The following TNKS variants were observed in gnomAD, a reference collection of about 807,000 sequenced individuals.
The protein encoded by TNKS is poly [ADP-ribose] polymerase tankyrase-1.
TNKS carries 72 observed loss-of-function variants against 135.8 expected under a neutral mutation model. The observed-to-expected ratio is 0.53, with a 90% CI of 0.44 to 0.64. TNKS has a LOEUF of 0.64. TNKS is among the 30% of genes least tolerant of loss of function. The pLI is 0.00. For missense variants in TNKS, 1,769 were observed against 1,674.0 expected, an observed-to-expected ratio of 1.06 and a Z score of -0.99; for synonymous variants, 849 against 649.3, an observed-to-expected ratio of 1.31 and a Z score of -4.68.
intron 17 of TNKS, among the ~76,000 whole-genome samples, chr8:9,746,342 A>G (rs533337323): frequency 6.6e-6 from 1 of 152,260 alleles, no homozygotes; most frequent in African/African-American, 2.4e-5. Context: ...TGTGTGATCG[A>G]TTGTCTTAGC....
chr8:9,629,978 G>A (rs533475504), intron 3 of TNKS, among the ~76,000 whole-genome samples: 3 of 152,220 alleles, frequency 2.0e-5, no homozygotes, highest in Middle Eastern at 3.4e-3. Flanking sequence ...CACCGTGTCC[G>A]GCCAACTACT....
intron 18 of TNKS, among the ~76,000 whole-genome samples, chr8:9,750,497 C>T (rs928589390): frequency 6.6e-5 from 10 of 152,136 alleles, no homozygotes; most frequent in African/African-American, 1.4e-4. Context: ...TTCTACCTTC[C>T]GTAAGACCTC....
intron 1 of TNKS, among the ~76,000 whole-genome samples, chr8:9,562,695 C>T (rs551213384): frequency 2.0e-4 from 31 of 152,246 alleles, no homozygotes; most frequent in Non-Finnish European, 3.2e-4. Flanking sequence ...TTTTTACTTA[C>T]CTCTTCTATG....
intron 5 of TNKS, among the ~76,000 whole-genome samples, chr8:9,691,585 C>T (rs927828399): frequency 6.6e-6 from 1 of 152,182 alleles, no homozygotes; most frequent in African/African-American, 2.4e-5. Context: ...ACTCCTGACT[C>T]TGCTTTTAAC....
At chr8:9,761,836 C>T (rs906212127) in intron 21 of TNKS, among the ~76,000 whole-genome samples, 200 bp downstream of exon 21, 10 of 152,200 alleles carry the variant, frequency 6.6e-5, no homozygotes, top group South Asian at 2.1e-4. Flanking sequence ...TGTCTCCCAA[C>T]ACTTTGTATC....
chr8:9,771,510 C>T lies in TNKS; in HGVS notation c.3897+1248C>T, dbSNP rs143804281. Among the ~76,000 whole-genome samples, 162 of 91,776 alleles carry T rather than the reference C, an allele frequency of 1.8e-3. 1 individual carries two copies. The highest frequency in any genetic ancestry group is 6.6e-3 in the African/African-American group (149 of 22,538). The allele number at this position is 91,776 out of a possible 152,430, so 60.2% of individuals were successfully genotyped here. A position where few individuals can be genotyped will look rare whatever the true frequency, so the allele number is the denominator to read the frequency against. On this transcript the variant is annotated intron_variant, in intron 26 of 26. Coordinates refer to ENST00000310430, the MANE Select transcript of TNKS (RefSeq NM_003747.3). ...GAAAGAGATAAAGGGAAGGAAAGAA[C>T]GGGAGAGAGAGGAAGGGAGGGAGAA...
rs940113251 is a variant in TNKS, at chr8:9,704,850, G to C, written c.1202+93G>C. On this transcript the variant is annotated intron_variant, in intron 6 of 26. Transcript: ENST00000310430. Reference sequence around the variant, plus strand: ...CTAGACAAAGTCATATGTCCCATTTGTTACGGCTTACATAACGTTTTAAGA... The same window carrying C: ...CTAGACAAAGTCATATGTCCCATTTCTTACGGCTTACATAACGTTTTAAGA... 1.2e-5 allele frequency: 11 copies of C among 912,668 alleles called. No homozygotes were observed. In the African/African-American group the frequency reaches 1.8e-4, roughly 15 times the overall value. The allele number at this position is 912,668 out of a possible 1,614,324, so 56.5% of individuals were successfully genotyped here.
chr8:9,762,199 A>C lies in TNKS; in HGVS notation c.3274+563A>C, dbSNP rs1184609396. Among the ~76,000 whole-genome samples, 3 of 150,212 alleles carry C rather than the reference A, an allele frequency of 2.0e-5. No individual in the cohort carries two copies. The East Asian group carries it at 5.9e-4, about 29-fold the overall frequency. On this transcript the variant is annotated intron_variant, in intron 21 of 26. Transcript: ENST00000310430. ...TTTTTCCATTGTACTTTGCCGTTAC[A>C]AGCCTCTTTCCCCTCTGTTTTTACC...
In TNKS at chr8:9,751,703, T is replaced by G. The variant is rs1040318137; in HGVS notation, c.2927T>G (p.Leu976Arg). ...KPQATVVSAS[L>R]ISPASTPSCL... ...CAGGCTACTGTAGTGAGTGCCTCTC[T>G]GATCTCACCAGCATCCACCCCCTCC... Residue 976 changes from leucine (L) to arginine (R), a missense_variant, in exon 19 of 27, where the codon CTG becomes CGG. By Grantham distance (102) the Leu-to-Arg change is moderately radical. Coordinates refer to ENST00000310430, the MANE Select transcript of TNKS (RefSeq NM_003747.3). The G allele has an allele frequency of 6.2e-7, 1 of 1,614,244 alleles. No individual in the cohort carries two copies. The highest frequency in any genetic ancestry group is 8.5e-7 in the Non-Finnish European group (1 of 1,180,034).
At chr8:9,563,064 C>T (rs566829391) in intron 1 of TNKS, among the ~76,000 whole-genome samples, 1 of 151,884 alleles carries the variant, frequency 6.6e-6, no homozygotes, top group Non-Finnish European at 1.5e-5. Flanking sequence ...GTTACTTGCT[C>T]CATTTCTTTA....
At chr8:9,740,142 G>T (rs2128821424) in intron 17 of TNKS, among the ~76,000 whole-genome samples, 1 of 151,100 alleles carries the variant, frequency 6.6e-6, no homozygotes, top group East Asian at 2.0e-4. Context: ...GAGATGGATT[G>T]CAGTGCCTTG....
chr8:9,557,928 C>G (rs1815399443), intron 1 of TNKS: 2 of 152,140 alleles, frequency 1.3e-5, no homozygotes, highest in South Asian at 4.1e-4. Context: ...CTTGTGAAAT[C>G]AAACTTAAAC....
At chr8:9,689,618 G>T (rs1025150873) in intron 5 of TNKS, among the ~76,000 whole-genome samples, 1 of 152,182 alleles carries the variant, frequency 6.6e-6, no homozygotes, top group Non-Finnish European at 1.5e-5. Flanking sequence ...GGGAGAGAAG[G>T]CTGTGGGCAG....
intron 1 of TNKS, chr8:9,556,936 TTAGAG>T: frequency 2.0e-6 from 1 of 495,884 alleles, no homozygotes. Flanking sequence ...TTGGACAGCT[TTAGAG>T]TAGTTTTGTC....
intron 25 of TNKS, among the ~76,000 whole-genome samples, chr8:9,768,360 C>T (rs985357547): frequency 1.3e-5 from 2 of 152,172 alleles, no homozygotes; most frequent in Admixed American, 6.5e-5. Context: ...GAGGCATCTC[C>T]GGAGAGGCTG....
chr8:9,707,991 T>C (rs560477199), intron 8 of TNKS, among the ~76,000 whole-genome samples: 126 of 152,326 alleles, frequency 8.3e-4, no homozygotes, highest in African/African-American at 2.9e-3. Context: ...CACTGTATAC[T>C]TTCATGTCAG....
chr8:9,635,522 G>A (rs548361542), intron 3 of TNKS, among the ~76,000 whole-genome samples: 4 of 152,290 alleles, frequency 2.6e-5, no homozygotes, highest in African/African-American at 7.2e-5. Context: ...AGTTTGATGA[G>A]CAGCTGTATA....
In TNKS at chr8:9,687,575, A is replaced by G. The variant is rs117532209; in HGVS notation, c.1107+6775A>G. On this transcript the variant is annotated intron_variant, in intron 5 of 26. Transcript: ENST00000310430. The stretch of plus-strand genomic sequence containing the variant: ...CTACTGGTAAGGGTAATTAGTACCA[A>G]TGCCAAGTGCGCTGTTTTCTCTGCT... 3.6e-4 allele frequency among the ~76,000 whole-genome samples: 55 copies of G among 152,324 alleles called. No individual in the cohort carries two copies. The East Asian group carries it at 0.01, about 29-fold the overall frequency.
chr8:9,757,533 A>G (rs1208107062), intron 20 of TNKS, among the ~76,000 whole-genome samples: 1 of 152,056 alleles, frequency 6.6e-6, no homozygotes, highest in Non-Finnish European at 1.5e-5. Flanking sequence ...TAGCTGAATT[A>G]TGACCTTCTT....
Sources: gnomAD v4.1 joint callset for allele counts (sites outside exome capture counted in the v4.1 genomes callset) on GRCh38, gnomAD v4.1.1 for gene constraint, MANE v1.5 for transcripts, NCBI Gene and HGNC (gene_info 2026-07-23, HGNC 2026-07-21) for gene names.